KRT73: variants seen among roughly 807,000 people sequenced by gnomAD.
The protein encoded by KRT73 is keratin, type II cytoskeletal 73.
In KRT73, 44 loss-of-function variants were observed where a neutral mutation model predicts 47.2. The observed-to-expected ratio is 0.93, with a 90% confidence interval of 0.73 to 1.20. The LOEUF (loss-of-function observed/expected upper bound fraction) is 1.20, where lower values mean the gene tolerates loss of function less well. Among genes scored for constraint, KRT73 ranks in the 50% most tolerant of loss-of-function variants. The pLI is 0.00. For missense variants in KRT73, 713 were observed against 704.5 expected, an observed-to-expected ratio of 1.01 and a Z score of -0.14; for synonymous variants, 285 against 291.3, an observed-to-expected ratio of 0.98 and a Z score of 0.22.
At chr12:52,621,572 G>T (rs1565632658), upstream of KRT73, among the ~76,000 whole-genome samples, 2 of 152,154 alleles carry the variant, frequency 1.3e-5, no homozygotes, top group South Asian at 2.1e-4. Context: ...CAGACTTGGG[G>T]CAGAAGAAGG....
intron 3 of KRT73, 200 bp from the exon 4 acceptor site, chr12:52,614,874 T>A: frequency 1.8e-6 from 1 of 558,748 alleles, no homozygotes; most frequent in Non-Finnish European, 3.2e-6. Flanking sequence ...CCTCTGGAAC[T>A]CCTTCTGCCT....
rs746619806 is a variant in KRT73 at position 52,608,234 on chromosome 12, A to G, written c.1585T>C (p.Leu529=). The G allele has an allele frequency of 6.2e-7, 1 of 1,613,800 alleles. No homozygotes were observed. Among genetic ancestry groups the G allele is most frequent in the Non-Finnish European group, 8.5e-7 (1 of 1,179,916 alleles). Residue 529 remains leucine (L), a synonymous_variant, in exon 9 of 9, where the codon TTA becomes CTA. Coordinates refer to ENST00000305748, the MANE Select transcript of KRT73 (RefSeq NM_175068.3). The part of the protein sequence containing the change: ...SEFRDSQGKT[L]ALSSPTKKTM... ...TTTTTGGTGGGTGAGCTTAGAGCTA[A>G]GGTCTTTCCCTGGGAGTCCCTGAAT... is the stretch of plus-strand genomic sequence containing the variant.
At chr12:52,622,039 A>G (rs890639728), upstream of KRT73, among the ~76,000 whole-genome samples, 2 of 152,234 alleles carry the variant, frequency 1.3e-5, no homozygotes, top group African/African-American at 4.8e-5. Context: ...GATTTAAACA[A>G]TATCCAGAAT....
chr12:52,608,501 G>T (rs1212012247), intron 8 of KRT73, 49 bp from the exon 9 acceptor site: 1 of 1,503,424 alleles, frequency 6.7e-7, no homozygotes, highest in Non-Finnish European at 8.9e-7. Flanking sequence ...CAGGACAGAG[G>T]TGGCCTTAAG....
chr12:52,624,448 G>A, the KRT73 span, among the ~76,000 whole-genome samples: 3 of 152,074 alleles, frequency 2.0e-5, no homozygotes, highest in East Asian at 5.8e-4. Context: ...CCTAACAAAA[G>A]CAGAATAAAT....
chr12:52,626,210 C>T, the KRT73 span, among the ~76,000 whole-genome samples: 1 of 152,050 alleles, frequency 6.6e-6, no homozygotes, highest in Non-Finnish European at 1.5e-5. Flanking sequence ...TCAAAATAAC[C>T]CCATCAAGAA....
intron 5 of KRT73, among the ~76,000 whole-genome samples, chr12:52,613,212 G>T (rs1292817927): frequency 6.6e-6 from 1 of 152,154 alleles, no homozygotes; most frequent in East Asian, 1.9e-4. Flanking sequence ...CTACCATTAG[G>T]GGAGTTAAGA....
At chr12:52,622,259 G>C (rs1940919143), upstream of KRT73, among the ~76,000 whole-genome samples, 1 of 152,066 alleles carries the variant, frequency 6.6e-6, no homozygotes, top group Admixed American at 6.5e-5. Flanking sequence ...CTAAATAGAT[G>C]ACAAATTAGA....
At chr12:52,616,800 A>C (rs1940824344) in intron 1 of KRT73, among the ~76,000 whole-genome samples, 1 of 152,050 alleles carries the variant, frequency 6.6e-6, no homozygotes, top group African/African-American at 2.4e-5. Context: ...TGCTCTGCCT[A>C]GTCTCTCCCT....
chr12:52,609,654 G>A (rs1940653647), intron 7 of KRT73, among the ~76,000 whole-genome samples: 1 of 152,114 alleles, frequency 6.6e-6, no homozygotes, highest in Non-Finnish European at 1.5e-5. Flanking sequence ...TATGATTTTG[G>A]GGCAAGTGAC....
Position 52,618,125 on chromosome 12 carries a change from C to G in KRT73, c.400G>C (p.Glu134Gln), listed in dbSNP as rs1940845765. ...EIQKVRAQER[E>Q]QIKVLNNKFA... The stretch of plus-strand genomic sequence containing the variant: ...TTGTTGTTCAGCACCTTGATCTGCT[C>G]CCGCTCCTGGGCACGCACTTTCTGG... The change falls in exon 1 of 9, where the codon GAG becomes CAG. Residue 134 changes from glutamate (E) to glutamine (Q), a missense_variant. Physicochemically the swap from Glu to Gln is conservative, Grantham distance 29. Coordinates refer to ENST00000305748, the MANE Select transcript of KRT73 (RefSeq NM_175068.3). 4 of 1,613,912 alleles carry G rather than the reference C, an allele frequency of 2.5e-6. No individual in the cohort carries two copies. The highest frequency in any genetic ancestry group is 3.4e-6 in the Non-Finnish European group (4 of 1,179,930).
chr12:52,628,207 G>A, the KRT73 span, among the ~76,000 whole-genome samples: 1 of 152,144 alleles, frequency 6.6e-6, no homozygotes, highest in East Asian at 1.9e-4. Flanking sequence ...GACTCTGCCT[G>A]AAGTATGGCC....
At chr12:52,618,696 C>T, upstream of KRT73, 1 of 653,748 alleles carries the variant, frequency 1.5e-6, no homozygotes. Context: ...CAAAATCAGA[C>T]ACCAGGTAAA....
chr12:52,608,581 T>C (rs1371451928), intron 8 of KRT73, 129 bp from the exon 9 acceptor site: 9 of 809,472 alleles, frequency 1.1e-5, no homozygotes, highest in Non-Finnish European at 1.5e-5. Context: ...CCATCAACCA[T>C]GAACTTGGGT....
chr12:52,613,938 C>T, intron 4 of KRT73, 86 bp from the exon 5 acceptor site: 1 of 1,536,790 alleles, frequency 6.5e-7, no homozygotes, highest in East Asian at 2.3e-5. Context: ...AGGGATGGCC[C>T]TAGACCATCC....
chr12:52,610,439 G>C, intron 7 of KRT73, 176 bp downstream of exon 7: 1 of 674,936 alleles, frequency 1.5e-6, no homozygotes, highest in South Asian at 1.8e-5. Flanking sequence ...AGTCAAAAGA[G>C]AACTGTAAAG....
the KRT73 span, among the ~76,000 whole-genome samples, chr12:52,628,632 A>G: frequency 6.6e-6 from 1 of 152,162 alleles, no homozygotes; most frequent in South Asian, 2.1e-4. Context: ...AGTACCAGAG[A>G]TAGGAGAAGA....
the KRT73 span, among the ~76,000 whole-genome samples, chr12:52,629,624 G>A: frequency 5.6e-4 from 86 of 152,278 alleles, no homozygotes; most frequent in Admixed American, 2.5e-3. Flanking sequence ...GATCCTGACC[G>A]CACAGCAAAT....
At chr12:52,619,031 C>T (rs1940864884), upstream of KRT73, among the ~76,000 whole-genome samples, 1 of 152,196 alleles carries the variant, frequency 6.6e-6, no homozygotes, top group Non-Finnish European at 1.5e-5. Flanking sequence ...TCCCAGAGTT[C>T]CTGGAGACAG....
Sources: gnomAD v4.1 joint callset for allele counts (sites outside exome capture counted in the v4.1 genomes callset) on GRCh38, gnomAD v4.1.1 for gene constraint, MANE v1.5 for transcripts, NCBI Gene and HGNC (gene_info 2026-07-23, HGNC 2026-07-21) for gene names.